Variants in ARMCX4 observed in about 807,000 individuals in gnomAD.
ARMCX4 encodes armadillo repeat containing X-linked 4, also known as armadillo repeat-containing X-linked protein 4.
A neutral mutation model predicts 34.7 loss-of-function variants in ARMCX4; 3 were observed. That is an observed-to-expected ratio of 0.09 (90% CI 0.04 to 0.22). The LOEUF is 0.22. Among genes scored for constraint, ARMCX4 ranks in the 10% least tolerant of loss-of-function variants. ARMCX4 has a pLI of 1.00. For missense variants in ARMCX4, 1,448 were observed against 1,720.8 expected, an observed-to-expected ratio of 0.84 and a Z score of 2.81; for synonymous variants, 513 against 632.8, an observed-to-expected ratio of 0.81 and a Z score of 2.84.
At chrX:101,461,765 A>T (rs930914515) in intron 4 of ARMCX4, among the ~76,000 whole-genome samples, 1 of 111,630 alleles carries the variant, frequency 9.0e-6, no homozygotes, top group African/African-American at 3.3e-5. Flanking sequence ...AGCCATCCTA[A>T]TGGGTGTGAT....
chrX:101,530,471 C>A (rs1935101687), intron 11 of ARMCX4, among the ~76,000 whole-genome samples: 1 of 109,687 alleles, frequency 9.1e-6, no homozygotes, highest in African/African-American at 3.3e-5. Flanking sequence ...TACCCTAAAA[C>A]TTAAAGTATA....
At chrX:101,433,448 G>A (rs1249339499) in intron 2 of ARMCX4, among the ~76,000 whole-genome samples, 3 of 109,282 alleles carry the variant, frequency 2.7e-5, no homozygotes, top group East Asian at 2.9e-4. Context: ...ACACACACAC[G>A]TACTTAGGAC....
At chrX:101,467,614 CT>C (rs1379536948) in intron 4 of ARMCX4, among the ~76,000 whole-genome samples, 4 of 111,918 alleles carry the variant, frequency 3.6e-5, no homozygotes, top group African/African-American at 9.7e-5. Flanking sequence ...GCTATAGCAC[CT>C]GATGATACAA....
At position 101,489,444 on chromosome X, in the gene ARMCX4, G is replaced by T. The variant is rs1556007939; in HGVS notation, c.855G>T (p.Val285=). Reference sequence around the variant, plus strand: ...AGTCCTGTGCACAGTCTCAGGCTGTGACCAAGATCCAGGGTGATGACATGC... The same window carrying T: ...AGTCCTGTGCACAGTCTCAGGCTGTTACCAAGATCCAGGGTGATGACATGC... ...DMKSCAQSQA[V]TKIQGDDMPG... is the part of the protein sequence containing the mutation. Residue 285 remains valine (V), a synonymous_variant, in exon 6 of 6, where the codon GTG becomes GTT. Coordinates refer to ENST00000423738, the MANE Select transcript of ARMCX4 (RefSeq NM_001256155.3). 2 of 1,155,656 alleles carry T rather than the reference G, an allele frequency of 1.7e-6. No homozygotes were observed. The highest frequency in any genetic ancestry group is 2.3e-6 in the Non-Finnish European group (2 of 872,709).
At chrX:101,456,770 TTCTAATTTTCTTAATTG>T (rs1932307881) in intron 4 of ARMCX4, among the ~76,000 whole-genome samples, 1 of 111,329 alleles carries the variant, frequency 9.0e-6, no homozygotes, top group Non-Finnish European at 1.9e-5. Context: ...TCATTTAGTG[TTCTAATTTTCTTAATTG>T]TCTAATTTTT....
intron 1 of ARMCX4, 49 bp downstream of exon 1, chrX:101,485,579 C>A: frequency 5.2e-6 from 1 of 191,963 alleles, no homozygotes; most frequent in Non-Finnish European, 8.0e-6. Flanking sequence ...CAGAAGCTCA[C>A]TGACCCCGGC....
chrX:101,433,100 A>G (rs1045353034), intron 2 of ARMCX4, among the ~76,000 whole-genome samples: 1 of 108,923 alleles, frequency 9.2e-6, no homozygotes, highest in Non-Finnish European at 1.9e-5. Flanking sequence ...ATGTGTATAC[A>G]TACGCACGTA....
At position 101,489,510 on chromosome X, in the gene ARMCX4, G is replaced by A. The variant is rs1556007966; in HGVS notation, c.921G>A (p.Met307Ile). The A allele has an allele frequency of 8.7e-7, 1 of 1,155,816 alleles. No individual in the cohort carries two copies. Among genetic ancestry groups the A allele is most frequent in the Admixed American group, 2.6e-5 (1 of 38,751 alleles). ...AGGACATGGGGAATTGTAAAACCAT[G>A]TCTAGGGCAGAGTCTGGGGCAGACA... ...GVEDMGNCKT[M>I]SRAESGADTR... Residue 307 changes from methionine to isoleucine, a missense_variant, in exon 6 of 6, where the codon ATG becomes ATA. Transcript: ENST00000423738.
In ARMCX4 at chrX:101,494,818, G is replaced by A; in HGVS notation, c.6229G>A (p.Glu2077Lys). The change falls in exon 6 of 6, where the codon GAA becomes AAA. Residue 2077 changes from glutamate to lysine, a missense_variant. This residue lies in a region of ARMCX4 where 105 missense variants were observed against 180.2 expected (regional missense o/e 0.58). Transcript: ENST00000423738. ...CAGTGCTGATTATTCTTATTCTCATGAAGTTGTTCGTAATGTAGGTGGAAT... is the reference window on the plus strand; with the variant it reads ...CAGTGCTGATTATTCTTATTCTCATAAAGTTGTTCGTAATGTAGGTGGAAT... ...YNSADYSYSH[E>K]VVRNVGGISV... 8.7e-7 allele frequency: 1 copy of A among 1,153,812 alleles called. No homozygotes were observed. Among genetic ancestry groups the A allele is most frequent in the South Asian group, 1.9e-5 (1 of 52,654 alleles).
At chrX:101,534,858 C>T (rs868987659), downstream of ARMCX4, among the ~76,000 whole-genome samples, 3 of 111,880 alleles carry the variant, frequency 2.7e-5, no homozygotes, top group South Asian at 3.7e-4. Context: ...TTTCTTAGAA[C>T]GCCAAAATTC....
At chrX:101,419,217 G>A (rs1158693821) in intron 2 of ARMCX4, 2 of 111,214 alleles carry the variant, frequency 1.8e-5, no homozygotes, top group Admixed American at 9.6e-5. Context: ...TTCACGCGTG[G>A]TAGTTTTGAT....
At chrX:101,464,459 C>T (rs1932757995) in intron 4 of ARMCX4, among the ~76,000 whole-genome samples, 1 of 111,675 alleles carries the variant, frequency 9.0e-6, no homozygotes, top group South Asian at 3.7e-4. Context: ...TGGGAATGAA[C>T]ACCCACAATA....
Position 101,490,070 on chromosome X carries a change from G to A in ARMCX4, c.1481G>A (p.Gly494Asp). ...TCTGATGGCAAAATTAAGGTCAGGGGCAATGTCAATACCATGCCTAAGGAA... is the reference window on the plus strand; with the variant it reads ...TCTGATGGCAAAATTAAGGTCAGGGACAATGTCAATACCATGCCTAAGGAA... ...TLSDGKIKVR[G>D]NVNTMPKEGA... The change falls in exon 6 of 6, where the codon GGC (glycine) becomes GAC (aspartate). Residue 494 changes from glycine (G) to aspartate (D), a missense_variant. Physicochemically the swap from Gly to Asp is moderately conservative, Grantham distance 94 (BLOSUM62 -1). This residue lies in a region of ARMCX4 where 1,343 missense variants were observed against 1,540.7 expected (regional missense o/e 0.87). Transcript: ENST00000423738. 3 of 1,155,842 alleles carry A rather than the reference G, an allele frequency of 2.6e-6. No homozygotes were observed. In the South Asian group the frequency reaches 5.7e-5, roughly 22 times the overall value.
downstream of ARMCX4, among the ~76,000 whole-genome samples, chrX:101,497,894 C>T (rs933728812): frequency 5.4e-5 from 6 of 111,696 alleles, no homozygotes; most frequent in Non-Finnish European, 1.1e-4. Flanking sequence ...CCATCTGCTG[C>T]CCTGATTCCC....
chrX:101,499,032 GGAAA>G (rs1335357862), downstream of ARMCX4: 1 of 111,922 alleles, frequency 8.9e-6, no homozygotes, highest in Non-Finnish European at 1.9e-5. Context: ...GGTGTAATAA[GGAAA>G]GAAAGAGAAT....
At chrX:101,446,189 T>G (rs192138603), downstream of ARMCX4, 8 of 112,444 alleles carry the variant, frequency 7.1e-5, no homozygotes, top group Non-Finnish European at 1.1e-4. Flanking sequence ...TTTTACTTCC[T>G]CTTTGAAACC....
At chrX:101,441,462 A>G (rs1555996879) in intron 2 of ARMCX4, among the ~76,000 whole-genome samples, 1 of 110,986 alleles carries the variant, frequency 9.0e-6, no homozygotes, top group Non-Finnish European at 1.9e-5. Flanking sequence ...GGCAAAGAGG[A>G]GAGAGCCTGG....
Position 101,488,472 on chromosome X carries a change from C to G in ARMCX4, c.-118C>G. On this transcript the variant is annotated 5_prime_UTR_variant, in exon 6 of 6. Transcript: ENST00000423738. ...CACCTCCAGAGGCAGCTGTAGTGGCCTTTGAGTGGCTGAAGACCAGCACCC... is the reference window on the plus strand; with the variant it reads ...CACCTCCAGAGGCAGCTGTAGTGGCGTTTGAGTGGCTGAAGACCAGCACCC... 1 of 1,129,403 alleles carries G rather than the reference C, an allele frequency of 8.9e-7. No individual in the cohort carries two copies. The highest frequency in any genetic ancestry group is 2.7e-5 in the Admixed American group (1 of 36,406). 93.1% of individuals were successfully genotyped at this position (1,129,403 alleles called of 1,213,427 possible). A position where few individuals can be genotyped will look rare whatever the true frequency, so the allele number is the denominator to read the frequency against.
chrX:101,447,218 T>G (rs1555998240), downstream of ARMCX4, among the ~76,000 whole-genome samples: 1 of 112,430 alleles, frequency 8.9e-6, no homozygotes, highest in East Asian at 2.8e-4. Flanking sequence ...CAGATTCTAT[T>G]AGTTGGAAGC....
Sources: gnomAD v4.1 joint callset for allele counts (sites outside exome capture counted in the v4.1 genomes callset) on GRCh38, gnomAD v4.1.1 for gene constraint, gnomAD v4.1.1 regional missense constraint, MANE v1.5 for transcripts, NCBI Gene and HGNC (gene_info 2026-07-23, HGNC 2026-07-21) for gene names.